The following CD96 variants were observed in gnomAD, a reference collection of about 807,000 sequenced individuals.
The protein encoded by CD96 is CD96 molecule.
A neutral mutation model predicts 71.3 loss-of-function variants in CD96; 70 were observed. The ratio of observed to expected loss-of-function variants is 0.98; its 90% confidence interval spans 0.81 to 1.20. CD96 has a LOEUF of 1.20. Among genes scored for constraint, CD96 ranks in the 50% most tolerant of loss-of-function variants. CD96 has a pLI of 0.00. For missense variants in CD96, 742 were observed against 677.5 expected, an observed-to-expected ratio of 1.10 and a Z score of -1.06; for synonymous variants, 248 against 233.0, an observed-to-expected ratio of 1.06 and a Z score of -0.59.
intron 13 of CD96, among the ~76,000 whole-genome samples, chr3:111,649,370 A>C (rs1576435733): frequency 6.6e-6 from 1 of 152,294 alleles, no homozygotes; most frequent in South Asian, 2.1e-4. Context: ...AAATAATGTT[A>C]TGATACATTT....
chr3:111,554,390 C>T (rs578223861), intron 2 of CD96, among the ~76,000 whole-genome samples: 1 of 152,044 alleles, frequency 6.6e-6, no homozygotes, highest in East Asian at 1.9e-4. Flanking sequence ...TGATCTACTT[C>T]CTCCATTTCT....
At chr3:111,652,629 G>A (rs1365691784), downstream of CD96, among the ~76,000 whole-genome samples, 1 of 151,970 alleles carries the variant, frequency 6.6e-6, no homozygotes, top group African/African-American at 2.4e-5. Context: ...TTAAGTTCTG[G>A]TCAGCATTTG....
intron 12 of CD96, among the ~76,000 whole-genome samples, chr3:111,638,976 A>T (rs539874386): frequency 3.1e-4 from 47 of 152,314 alleles, no homozygotes; most frequent in Admixed American, 4.6e-4. Context: ...TGGAAAAAAA[A>T]ATATAGGCAT....
chr3:111,653,986 A>C (rs1387290039), downstream of CD96, among the ~76,000 whole-genome samples: 1 of 152,164 alleles, frequency 6.6e-6, no homozygotes, highest in Non-Finnish European at 1.5e-5. Flanking sequence ...AGTTTAGAGA[A>C]ACTTACTAAG....
At chr3:111,621,185 T>C (rs1007029049) in intron 8 of CD96, among the ~76,000 whole-genome samples, 4 of 152,232 alleles carry the variant, frequency 2.6e-5, no homozygotes, top group Non-Finnish European at 5.9e-5. Context: ...AGTGGTCATG[T>C]AGTTTACAAA....
At chr3:111,585,880 A>C (rs1470805717) in intron 5 of CD96, among the ~76,000 whole-genome samples, 1 of 152,150 alleles carries the variant, frequency 6.6e-6, no homozygotes, top group Non-Finnish European at 1.5e-5. Context: ...AGGAGAAAAA[A>C]GAAAATTGAA....
intron 6 of CD96, 30 bp from the exon 7 acceptor site, chr3:111,600,696 T>C (rs1260989280): frequency 2.0e-6 from 3 of 1,466,648 alleles, no homozygotes; most frequent in Non-Finnish European, 1.9e-6. Context: ...AAAATGTTAG[T>C]GTTGAACCAT....
At chr3:111,649,551 C>T (rs917094676) in intron 13 of CD96, 147 bp from the exon 14 acceptor site, 4 of 703,160 alleles carry the variant, frequency 5.7e-6, no homozygotes, top group African/African-American at 1.7e-5. Context: ...CAGGGTTATG[C>T]CAGCAAAAAT....
chr3:111,624,534 T>G, intron 10 of CD96, 130 bp downstream of exon 10: 1 of 701,370 alleles, frequency 1.4e-6, no homozygotes, highest in East Asian at 2.7e-5. Context: ...CTATCATGTT[T>G]AAAGTATTGT....
chr3:111,562,899 T>C (rs1019777206), intron 2 of CD96, among the ~76,000 whole-genome samples: 1 of 152,226 alleles, frequency 6.6e-6, no homozygotes, highest in African/African-American at 2.4e-5. Context: ...CTGTCTTTGT[T>C]TTGTGCTGCT....
Position 111,606,742 on chromosome 3 carries a change from A to C in CD96, c.1130A>C (p.Glu377Ala). The C allele has an allele frequency of 6.2e-7, 1 of 1,608,468 alleles. No individual in the cohort carries two copies. Among genetic ancestry groups the C allele is most frequent in the Non-Finnish European group, 8.5e-7 (1 of 1,174,814 alleles). The change falls in exon 8 of 14, where the codon GAA becomes GCA. Residue 377 changes from glutamate (E) to alanine (A), a missense_variant. By Grantham distance (107) the Glu-to-Ala change is moderately radical. Coordinates refer to ENST00000352690, the MANE Select transcript of CD96 (RefSeq NM_005816.5). The part of the protein sequence containing the change: ...SSTDPPLSVT[E>A]STLDTQPSPA... ...ACAGACCCTCCACTGAGTGTTACAG[A>C]ATCTACCCTTGACACCCAACCTTCT... is the stretch of plus-strand genomic sequence containing the variant.
intron 8 of CD96, 80 bp downstream of exon 8, chr3:111,606,872 C>A: frequency 1.2e-6 from 1 of 868,104 alleles, no homozygotes; most frequent in Non-Finnish European, 2.0e-6. Context: ...TTGCATCATT[C>A]ATGCCTGTTT....
intron 5 of CD96, among the ~76,000 whole-genome samples, chr3:111,597,476 A>G (rs1937312347): frequency 6.6e-6 from 1 of 152,228 alleles, no homozygotes; most frequent in African/African-American, 2.4e-5. Flanking sequence ...CATGGTTTCT[A>G]ATTGTGCCAT....
At position 111,598,130 on chromosome 3, in the gene CD96, C is replaced by T; in HGVS notation, c.818C>T (p.Thr273Ile). The T allele has an allele frequency of 5.0e-6, 7 of 1,413,730 alleles. No homozygotes were observed. Among genetic ancestry groups the T allele is most frequent in the Non-Finnish European group, 7.0e-6 (7 of 998,202 alleles). The allele number at this position is 1,413,730 out of a possible 1,614,324, so 87.6% of individuals were successfully genotyped here. ...CTGTCTTTACCCCAGAGAAGATTTACCTGCTTACTAAAGAATGTATTTCCC... is the reference window on the plus strand; with the variant it reads ...CTGTCTTTACCCCAGAGAAGATTTATCTGCTTACTAAAGAATGTATTTCCC... The part of the protein sequence containing the change: ...STDVLVERRF[T>I]CLLKNVFPKA... The change falls in exon 6 of 14, where the codon ACC becomes ATC. Residue 273 changes from threonine (T) to isoleucine (I), a missense_variant. By Grantham distance (89) the Thr-to-Ile change is moderately conservative (BLOSUM62 -1). Coordinates refer to ENST00000352690, the MANE Select transcript of CD96 (RefSeq NM_005816.5).
intron 8 of CD96, among the ~76,000 whole-genome samples, chr3:111,616,809 C>T (rs2107691952): frequency 6.6e-6 from 1 of 152,266 alleles, no homozygotes; most frequent in East Asian, 1.9e-4. Context: ...AGCCTGCCCC[C>T]TACTGACTTG....
At chr3:111,594,368 TC>T (rs1937155787) in intron 5 of CD96, 10 of 750,498 alleles carry the variant, frequency 1.3e-5, no homozygotes. Context: ...TTTCTTCCTT[TC>T]TGCTTCACTG....
At chr3:111,568,134 G>A (rs1036249025) in intron 3 of CD96, among the ~76,000 whole-genome samples, 8 of 152,080 alleles carry the variant, frequency 5.3e-5, no homozygotes, top group Admixed American at 1.3e-4. Context: ...TATATGAGAC[G>A]AGCAGGCCTT....
At position 111,638,106 on chromosome 3, in the gene CD96, C is replaced by G; in HGVS notation, c.1415C>G (p.Ala472Gly). The change falls in exon 12 of 14, where the codon GCA becomes GGA. Residue 472 changes from alanine (A) to glycine (G), a missense_variant. By Grantham distance (60) the Ala-to-Gly change is moderately conservative. Transcript: ENST00000352690. ...AATGTCTTTACCAGCACAGCCAGAG[C>G]ATTTTCAGAAGTCCCCACAACTGCC... ...HDNVFTSTAR[A>G]FSEVPTTANG... The G allele has an allele frequency of 6.2e-7, 1 of 1,609,572 alleles. No homozygotes were observed. Among genetic ancestry groups the G allele is most frequent in the Non-Finnish European group, 8.5e-7 (1 of 1,175,900 alleles).
At chr3:111,580,386 T>C (rs1470007368) in intron 4 of CD96, among the ~76,000 whole-genome samples, 2 of 152,206 alleles carry the variant, frequency 1.3e-5, no homozygotes, top group Non-Finnish European at 2.9e-5. Context: ...TTTTCATTTT[T>C]TGTGACAAAG....
Sources: gnomAD v4.1 joint callset for allele counts (sites outside exome capture counted in the v4.1 genomes callset) on GRCh38, gnomAD v4.1.1 for gene constraint, MANE v1.5 for transcripts, NCBI Gene and HGNC (gene_info 2026-07-23, HGNC 2026-07-21) for gene names.